The following NRXN3 variants were observed in gnomAD, a reference collection of about 807,000 sequenced individuals.
NRXN3 encodes the protein neurexin III.
Under a neutral mutation model 137.6 loss-of-function variants are expected in NRXN3, and 32 were observed. That is an observed-to-expected ratio of 0.23 (90% CI 0.18 to 0.31). The LOEUF (loss-of-function observed/expected upper bound fraction) is 0.31. Among genes scored for constraint, NRXN3 ranks in the 10% least tolerant of loss-of-function variants. NRXN3 has a pLI of 1.00. For synonymous variants in NRXN3, 798 were observed against 784.5 expected, an observed-to-expected ratio of 1.02 and a Z score of -0.29; for missense variants, 1,574 against 2,062.5, an observed-to-expected ratio of 0.76 and a Z score of 4.59.
chr14:79,426,460 A>G (rs1029029993), intron 15 of NRXN3, among the ~76,000 whole-genome samples: 3 of 152,238 alleles, frequency 2.0e-5, no homozygotes, highest in African/African-American at 4.8e-5. Flanking sequence ...CATCAGGTCC[A>G]TGAAGATCAA....
intron 19 of NRXN3, among the ~76,000 whole-genome samples, chr14:79,705,262 A>G (rs569572820): frequency 1.3e-5 from 2 of 152,166 alleles, no homozygotes; most frequent in East Asian, 3.9e-4. Flanking sequence ...TAATTACCTA[A>G]CAGACTCTTT....
chr14:79,182,586 G>A lies in NRXN3; in HGVS notation c.3262+194445G>A, dbSNP rs143374724. Among the ~76,000 whole-genome samples, 96 of 152,236 alleles carry A rather than the reference G, an allele frequency of 6.3e-4. 1 individual carries two copies. The highest frequency in any genetic ancestry group is 2.1e-3 in the African/African-American group (87 of 41,552). ...GGCAGTAATGCGAGGAGTGGGGAGCGGCTGTAAATACAGATGAAGCTTTGC... is the reference window on the plus strand; with the variant it reads ...GGCAGTAATGCGAGGAGTGGGGAGCAGCTGTAAATACAGATGAAGCTTTGC... On this transcript the variant is annotated intron_variant, in intron 15 of 20. Transcript: ENST00000335750.
intron 1 of NRXN3, among the ~76,000 whole-genome samples, chr14:78,199,314 C>A (rs145987134): frequency 6.8e-4 from 104 of 152,218 alleles, no homozygotes; most frequent in Middle Eastern, 6.8e-3. Flanking sequence ...CCCCTCCCCC[C>A]CCACACCCAA....
At chr14:79,057,687 G>T (rs2099667570) in intron 15 of NRXN3, among the ~76,000 whole-genome samples, 2 of 152,170 alleles carry the variant, frequency 1.3e-5, no homozygotes, top group African/African-American at 4.8e-5. Context: ...GGTTTAAAAG[G>T]TAAAGGCTTC....
chr14:78,408,074 C>T (rs907463565), intron 4 of NRXN3, among the ~76,000 whole-genome samples: 2 of 152,174 alleles, frequency 1.3e-5, no homozygotes, highest in Admixed American at 6.5e-5. Flanking sequence ...TTGTAGTCAA[C>T]TCACCACGTG....
chr14:79,449,760 C>T (rs368125138), intron 15 of NRXN3, among the ~76,000 whole-genome samples: 13 of 152,022 alleles, frequency 8.6e-5, no homozygotes, highest in African/African-American at 1.7e-4. Flanking sequence ...GAGGCCGAGG[C>T]GGGCGGATCA....
In NRXN3 at chr14:79,868,133, G is replaced by T. The variant is rs919131218; in HGVS notation, c.*6169G>T. The T allele has an allele frequency of 6.6e-6, 1 of 152,118 alleles. No homozygotes were observed. Among genetic ancestry groups the T allele is most frequent in the African/African-American group, 2.4e-5 (1 of 41,412 alleles). The allele number at this position is 152,118 out of a possible 1,614,324, so 9.4% of individuals were successfully genotyped here. ...TTGGATGAAATAATTCATGTGAAAT[G>T]CTTAACATATGTGTGACAAATAATT... On this transcript the variant is annotated 3_prime_UTR_variant, in exon 21 of 21. Transcript: ENST00000335750.
At chr14:79,286,991 ATTTTATGAGACATAT>A (rs376544623) in intron 15 of NRXN3, among the ~76,000 whole-genome samples, 13 of 152,152 alleles carry the variant, frequency 8.5e-5, no homozygotes, top group African/African-American at 3.1e-4. Context: ...CAGGTTAAAT[ATTTTATGAGACATAT>A]TTTCATGATA....
intron 5 of NRXN3, among the ~76,000 whole-genome samples, chr14:78,650,913 A>C (rs1176623715): frequency 6.6e-6 from 1 of 152,208 alleles, no homozygotes. Flanking sequence ...AATGGGTAGA[A>C]CAAGGTGCCC....
At chr14:79,608,805 TAAAA>T (rs2098059277) in intron 16 of NRXN3, among the ~76,000 whole-genome samples, 1 of 151,886 alleles carries the variant, frequency 6.6e-6, no homozygotes, top group South Asian at 2.1e-4. Flanking sequence ...TGCATATACT[TAAAA>T]AACCCCAAAC....
chr14:79,621,310 C>T (rs1220012948), intron 16 of NRXN3, among the ~76,000 whole-genome samples: 1 of 152,124 alleles, frequency 6.6e-6, no homozygotes. Flanking sequence ...ATGCAACCCT[C>T]AATTTCAAAG....
intron 16 of NRXN3, among the ~76,000 whole-genome samples, chr14:79,500,735 G>T (rs2096817985): frequency 6.6e-6 from 1 of 152,120 alleles, no homozygotes; most frequent in Admixed American, 6.6e-5. Flanking sequence ...TCTGTGGGTT[G>T]CAGTGAGGTC....
intron 16 of NRXN3, among the ~76,000 whole-genome samples, chr14:79,627,190 G>A (rs1343826933): frequency 2.0e-5 from 3 of 152,212 alleles, no homozygotes; most frequent in East Asian, 1.9e-4. Flanking sequence ...TACAGGACTT[G>A]CTAAAAATTA....
chr14:79,490,974 A>G (rs977718639), intron 16 of NRXN3, among the ~76,000 whole-genome samples: 4 of 152,188 alleles, frequency 2.6e-5, no homozygotes, highest in African/African-American at 4.8e-5. Flanking sequence ...AAAAATGAAT[A>G]AAAACATCCT....
At chr14:78,473,444 T>G (rs2095321617) in intron 4 of NRXN3, among the ~76,000 whole-genome samples, 1 of 151,998 alleles carries the variant, frequency 6.6e-6, no homozygotes, top group African/African-American at 2.4e-5. Flanking sequence ...TTGTGAAACT[T>G]CTTTTTAATG....
In NRXN3 at chr14:78,424,739, C is replaced by G. The variant is rs28750354; in HGVS notation, c.757+126879C>G. Among the ~76,000 whole-genome samples, 1,158 of 152,266 alleles carry G rather than the reference C, an allele frequency of 7.6e-3. 12 individuals are homozygous for G. The highest frequency in any genetic ancestry group is 0.027 in the African/African-American group (1,104 of 41,536). ...TTGACTCAGTAGATAAGCCTAAAATCTGTAGGAGGTACAATGCCTGTGCAC... is the reference window on the plus strand; with the variant it reads ...TTGACTCAGTAGATAAGCCTAAAATGTGTAGGAGGTACAATGCCTGTGCAC... On this transcript the variant is annotated intron_variant, in intron 4 of 20. Coordinates refer to ENST00000335750, the MANE Select transcript of NRXN3 (RefSeq NM_001330195.2).
At chr14:79,551,173 G>A (rs1263240012) in intron 16 of NRXN3, among the ~76,000 whole-genome samples, 1 of 152,094 alleles carries the variant, frequency 6.6e-6, no homozygotes, top group African/African-American at 2.4e-5. Flanking sequence ...AATAGTGAAT[G>A]GCATTTCTTA....
intron 3 of NRXN3, among the ~76,000 whole-genome samples, chr14:78,284,767 C>A (rs2074930916): frequency 6.6e-6 from 1 of 152,066 alleles, no homozygotes; most frequent in African/African-American, 2.4e-5. Flanking sequence ...CTGTCCTGCC[C>A]TTTGTGCTTG....
chr14:79,688,138 G>A (rs902738996), intron 17 of NRXN3, among the ~76,000 whole-genome samples: 2 of 150,324 alleles, frequency 1.3e-5, no homozygotes, highest in African/African-American at 2.4e-5. Context: ...GAAGCATACC[G>A]TGGAACTAAT....
Sources: gnomAD v4.1 joint callset for allele counts (sites outside exome capture counted in the v4.1 genomes callset) on GRCh38, gnomAD v4.1.1 for gene constraint, MANE v1.5 for transcripts, NCBI Gene and HGNC (gene_info 2026-07-23, HGNC 2026-07-21) for gene names.